Variants in FAM83B observed in about 807,000 individuals in gnomAD.
FAM83B encodes the protein protein FAM83B.
In FAM83B, 26 loss-of-function variants were observed where a neutral mutation model predicts 38.8. That is an observed-to-expected ratio of 0.67 (90% CI 0.49 to 0.93). FAM83B has a LOEUF of 0.93. FAM83B is among the 40% of genes least tolerant of loss of function. The probability of loss-of-function intolerance (pLI) is 0.00; values close to 1 mark genes in which losing one functional copy is unlikely to be tolerated. For synonymous variants in FAM83B, 419 were observed against 423.1 expected (o/e 0.99, Z 0.12); for missense variants, 1,237 against 1,197.3 (o/e 1.03, Z -0.49).
At chr6:54,898,391 C>G (rs1581909366) in intron 2 of FAM83B, among the ~76,000 whole-genome samples, 1 of 152,088 alleles carries the variant, frequency 6.6e-6, no homozygotes, top group South Asian at 2.1e-4. Flanking sequence ...CTACATTGTT[C>G]GTGGACTCAG....
intron 1 of FAM83B, among the ~76,000 whole-genome samples, chr6:54,854,872 A>G (rs77937408): frequency 0.05 from 7,594 of 152,300 alleles, 629 homozygotes; most frequent in African/African-American, 0.17. Flanking sequence ...TGTAAACACA[A>G]TATTCAACAA....
At chr6:54,934,323 T>C (rs57835829) in intron 4 of FAM83B, among the ~76,000 whole-genome samples, 19,606 of 152,148 alleles carry the variant, frequency 0.13, 1,459 homozygotes, top group Middle Eastern at 0.22. Flanking sequence ...TGTGTTTATA[T>C]TTAAGAATGA....
rs769176959 is a variant in FAM83B, at chr6:54,940,717, C to T, written c.1746C>T (p.Asp582=). Residue 582 remains aspartate (D), a synonymous_variant, in exon 5 of 5, where the codon GAC becomes GAT. Transcript: ENST00000306858. ...QGSETPKEVP[D]TPTNVQHLTD... ...GTGAGACACCTAAAGAGGTCCCAGACACCCCTACGAATGTACAGCATTTGA... is the reference window on the plus strand; with the variant it reads ...GTGAGACACCTAAAGAGGTCCCAGATACCCCTACGAATGTACAGCATTTGA... 1 of 1,614,038 alleles carries T rather than the reference C, an allele frequency of 6.2e-7. No individual in the cohort carries two copies. The highest frequency in any genetic ancestry group is 2.2e-5 in the East Asian group (1 of 44,850).
chr6:54,898,383 A>G (rs955782331), intron 2 of FAM83B, among the ~76,000 whole-genome samples: 1 of 152,148 alleles, frequency 6.6e-6, no homozygotes, highest in Non-Finnish European at 1.5e-5. Flanking sequence ...GGTCGCCTCT[A>G]CATTGTTCGT....
At chr6:54,874,892 G>T (rs1771954834) in intron 2 of FAM83B, among the ~76,000 whole-genome samples, 1 of 152,090 alleles carries the variant, frequency 6.6e-6, no homozygotes, top group Non-Finnish European at 1.5e-5. Context: ...CACTTACTGA[G>T]TTCCTGGGTG....
At chr6:54,936,102 C>G (rs1264433133) in intron 4 of FAM83B, among the ~76,000 whole-genome samples, 3 of 152,046 alleles carry the variant, frequency 2.0e-5, no homozygotes, top group Non-Finnish European at 4.4e-5. Context: ...AAATCACCTA[C>G]GATAATAGAG....
chr6:54,923,033 T>C (rs1282870814), intron 2 of FAM83B, among the ~76,000 whole-genome samples: 1 of 152,088 alleles, frequency 6.6e-6, no homozygotes, highest in East Asian at 1.9e-4. Flanking sequence ...CTTTATGTTA[T>C]AAAAACTTTC....
chr6:54,853,815 C>T (rs947074094), intron 1 of FAM83B, among the ~76,000 whole-genome samples: 1 of 152,140 alleles, frequency 6.6e-6, no homozygotes. Flanking sequence ...AAAGGCATTT[C>T]ATAAAGCTAT....
chr6:54,901,977 A>G lies in FAM83B; in HGVS notation c.445-24394A>G, dbSNP rs372733609. 1.1e-4 allele frequency among the ~76,000 whole-genome samples: 17 copies of G among 152,298 alleles called. No homozygotes were observed. In the South Asian group the frequency reaches 2.9e-3, roughly 26 times the overall value. ...AATCATGACTTTATTTGTATTCATAATATGCAAATTTGCTGCTATTTGCCT... is the reference window on the plus strand; with the variant it reads ...AATCATGACTTTATTTGTATTCATAGTATGCAAATTTGCTGCTATTTGCCT... On this transcript the variant is annotated intron_variant, in intron 2 of 4. Coordinates refer to ENST00000306858, the MANE Select transcript of FAM83B (RefSeq NM_001010872.3).
chr6:54,895,802 G>A (rs544705453), intron 2 of FAM83B, among the ~76,000 whole-genome samples: 34 of 152,098 alleles, frequency 2.2e-4, no homozygotes, highest in African/African-American at 7.7e-4. Flanking sequence ...GTGCAGTGGG[G>A]TGATCTTGGC....
intron 2 of FAM83B, among the ~76,000 whole-genome samples, chr6:54,887,206 T>A (rs1006492908): frequency 1.3e-5 from 2 of 152,310 alleles, no homozygotes; most frequent in African/African-American, 4.8e-5. Flanking sequence ...TCCATTTGTA[T>A]GTGGATTTTA....
intron 1 of FAM83B, among the ~76,000 whole-genome samples, chr6:54,848,149 G>C (rs1378938563): frequency 6.6e-6 from 1 of 152,152 alleles, no homozygotes; most frequent in East Asian, 1.9e-4. Flanking sequence ...ATTGGAGAAT[G>C]AGAATAATGT....
chr6:54,872,422 T>A (rs1476141191), intron 2 of FAM83B, among the ~76,000 whole-genome samples: 5 of 152,222 alleles, frequency 3.3e-5, no homozygotes, highest in Non-Finnish European at 7.3e-5. Flanking sequence ...TTGCTGATTT[T>A]GTTTGGTGAC....
At chr6:54,928,797 GTTA>G (rs1773363625) in intron 4 of FAM83B, among the ~76,000 whole-genome samples, 1 of 151,974 alleles carries the variant, frequency 6.6e-6, no homozygotes, top group African/African-American at 2.4e-5. Context: ...AGTTTCTATG[GTTA>G]TTATTTAAGT....
Position 54,940,467 on chromosome 6 carries a change from C to G in FAM83B, c.1496C>G (p.Ser499Cys). 1 of 1,614,034 alleles carries G rather than the reference C, an allele frequency of 6.2e-7. No individual in the cohort carries two copies. Among genetic ancestry groups the G allele is most frequent in the Non-Finnish European group, 8.5e-7 (1 of 1,180,002 alleles). Residue 499 changes from serine to cysteine, a missense_variant, in exon 5 of 5, where the codon TCC (serine) becomes TGC (cysteine). Ser to Cys is a moderately radical substitution (Grantham distance 112). Coordinates refer to ENST00000306858, the MANE Select transcript of FAM83B (RefSeq NM_001010872.3). Reference sequence around the variant, plus strand: ...TTCCTACGTAACTGGAGAATTGAATCCTACTTAAATGATCATTCAGAAGCT... The same window carrying G: ...TTCCTACGTAACTGGAGAATTGAATGCTACTTAAATGATCATTCAGAAGCT... The part of the protein sequence containing the change: ...KSFLRNWRIE[S>C]YLNDHSEATP...
chr6:54,870,685 A>G lies in FAM83B; in HGVS notation c.439A>G (p.Arg147Gly). 5 of 1,586,062 alleles carry G rather than the reference A, an allele frequency of 3.2e-6. No individual in the cohort carries two copies. The highest frequency in any genetic ancestry group is 1.1e-5 in the South Asian group (1 of 87,418). The change falls in exon 2 of 5, where the codon AGA (arginine) becomes GGA (glycine). Residue 147 changes from arginine (R) to glycine (G), a missense_variant. Physicochemically the swap from Arg to Gly is moderately radical, Grantham distance 125. Coordinates refer to ENST00000306858, the MANE Select transcript of FAM83B (RefSeq NM_001010872.3). The part of the protein sequence containing the change: ...ETIRKMIKEA[R>G]KVIALVMDIF... The stretch of plus-strand genomic sequence containing the variant: ...TATTCGGAAGATGATAAAAGAAGCA[A>G]GAAAGGTAATAACATTTCTATTTTG...
rs182954256 is a variant in FAM83B at position 54,914,127 on chromosome 6, C to T, written c.445-12244C>T. 5.7e-3 allele frequency among the ~76,000 whole-genome samples: 870 copies of T among 152,104 alleles called. 6 individuals carry two copies. The highest frequency in any genetic ancestry group is 0.02 in the African/African-American group (823 of 41,520). Reference sequence around the variant, plus strand: ...TCTTTTAATCTATAAGTTTCCCTCTCCTTTTTTGGTAAATAGTGGTGGGAT... The same window carrying T: ...TCTTTTAATCTATAAGTTTCCCTCTTCTTTTTTGGTAAATAGTGGTGGGAT... On this transcript the variant is annotated intron_variant, in intron 2 of 4. Transcript: ENST00000306858.
rs187595420 is a variant in FAM83B, at chr6:54,875,672, A to G, written c.444+4982A>G. Among the ~76,000 whole-genome samples, 966 of 151,764 alleles carry G rather than the reference A, an allele frequency of 6.4e-3. 7 individuals are homozygous for G. Among genetic ancestry groups the G allele is most frequent in the Middle Eastern group, 0.024 (7 of 294 alleles). ...GAGAGGGAAGAAGAGACGGAGGGGA[A>G]GAGGGAAGGTGGAAGAAAGGGAGAG... On this transcript the variant is annotated intron_variant, in intron 2 of 4. Coordinates refer to ENST00000306858, the MANE Select transcript of FAM83B (RefSeq NM_001010872.3).
intron 2 of FAM83B, among the ~76,000 whole-genome samples, chr6:54,890,899 A>C (rs1772386741): frequency 6.6e-6 from 1 of 151,984 alleles, no homozygotes; most frequent in Admixed American, 6.6e-5. Flanking sequence ...CTGTCTTCCC[A>C]GTCTCAAAAG....
Sources: allele counts gnomAD v4.1 joint callset (sites outside exome capture counted in the v4.1 genomes callset), GRCh38; gene constraint gnomAD v4.1.1; transcripts MANE v1.5; gene names NCBI Gene and HGNC (gene_info 2026-07-23, HGNC 2026-07-21).